The following RSF1 variants were observed in gnomAD, a reference collection of about 807,000 sequenced individuals.
The protein encoded by RSF1 is HBV pX-associated protein 8.
A neutral mutation model predicts 145.2 loss-of-function variants in RSF1; 13 were observed. That is an observed-to-expected ratio of 0.09 (90% CI 0.06 to 0.14). The LOEUF is 0.14. RSF1 is among the 10% of genes least tolerant of loss of function. RSF1 has a pLI of 1.00. For missense variants in RSF1, 1,517 were observed against 1,718.2 expected, an observed-to-expected ratio of 0.88 and a Z score of 2.07; for synonymous variants, 577 against 592.6, an observed-to-expected ratio of 0.97 and a Z score of 0.38.
intron 9 of RSF1, among the ~76,000 whole-genome samples, chr11:77,686,581 T>C (rs1960013404): frequency 2.6e-5 from 4 of 151,950 alleles, no homozygotes; most frequent in Non-Finnish European, 5.9e-5. Context: ...TATTAATGTA[T>C]CCAGCTGGCT....
intron 15 of RSF1, among the ~76,000 whole-genome samples, chr11:77,669,192 T>C (rs1361753659): frequency 1.3e-5 from 2 of 152,198 alleles, no homozygotes; most frequent in Non-Finnish European, 1.5e-5. Context: ...ATATCCACAA[T>C]GTGACTGCTT....
At chr11:77,672,508 A>C (rs1959582310) in intron 14 of RSF1, among the ~76,000 whole-genome samples, 1 of 151,568 alleles carries the variant, frequency 6.6e-6, no homozygotes, top group Admixed American at 6.6e-5. Context: ...GATCACAGGC[A>C]TATGCACTAC....
chr11:77,799,585 A>G (rs940643026), intron 1 of RSF1, among the ~76,000 whole-genome samples: 2 of 151,748 alleles, frequency 1.3e-5, no homozygotes, highest in Admixed American at 1.3e-4. Context: ...AAATATTTCC[A>G]TTAACCCAGA....
intron 2 of RSF1, 143 bp from the exon 3 acceptor site, chr11:77,747,271 A>C (rs1948011693): frequency 1.9e-6 from 1 of 531,240 alleles, no homozygotes; most frequent in Non-Finnish European, 3.4e-6. Context: ...TGCACCCTAA[A>C]ATGCATACTA....
chr11:77,861,182 G>A, the RSF1 span, among the ~76,000 whole-genome samples: 1 of 152,102 alleles, frequency 6.6e-6, no homozygotes, highest in Non-Finnish European at 1.5e-5. Context: ...CAACAAATGG[G>A]TGTTCTTTCT....
At chr11:77,776,184 G>A (rs1276803904) in intron 1 of RSF1, among the ~76,000 whole-genome samples, 1 of 152,060 alleles carries the variant, frequency 6.6e-6, no homozygotes, top group Non-Finnish European at 1.5e-5. Context: ...CTGCACTTCA[G>A]CCTGGGTGCC....
chr11:77,671,106 C>CAAAAAAA (rs1171789380), intron 15 of RSF1, among the ~76,000 whole-genome samples: 1 of 5,532 alleles, frequency 1.8e-4, no homozygotes, highest in African/African-American at 1.1e-3. Flanking sequence ...ACTCTGTCAC[C>CAAAAAAA]AAAAAAAAAA....
chr11:77,694,840 G>A (rs573263593), intron 7 of RSF1, among the ~76,000 whole-genome samples: 18 of 152,178 alleles, frequency 1.2e-4, no homozygotes, highest in African/African-American at 3.9e-4. Context: ...TTCCCTGACC[G>A]ACAGTTTGAA....
the RSF1 span, among the ~76,000 whole-genome samples, chr11:77,832,949 A>ATGTGTG: frequency 4.2e-5 from 4 of 96,292 alleles, no homozygotes; most frequent in East Asian, 3.1e-4. Context: ...TTGTATATAT[A>ATGTGTG]TATGTGTGTG....
At chr11:77,712,066 C>T (rs1960699377) in intron 5 of RSF1, among the ~76,000 whole-genome samples, 1 of 152,136 alleles carries the variant, frequency 6.6e-6, no homozygotes, top group African/African-American at 2.4e-5. Flanking sequence ...TTACGTTGTG[C>T]TTTGTATAAA....
chr11:77,813,747 C>G (rs1342355970), intron 1 of RSF1: 3 of 313,040 alleles, frequency 9.6e-6, no homozygotes, highest in South Asian at 9.5e-5. Context: ...GGAGCAGGAG[C>G]CTGCGGATCA....
chr11:77,775,376 ACT>A (rs1294790025), intron 1 of RSF1, among the ~76,000 whole-genome samples: 1 of 152,006 alleles, frequency 6.6e-6, no homozygotes, highest in Non-Finnish European at 1.5e-5. Context: ...GGCAAAGATG[ACT>A]CTGGGTTGTT....
the RSF1 span, chr11:77,866,695 T>C: frequency 6.6e-6 from 1 of 151,678 alleles, no homozygotes; most frequent in African/African-American, 2.4e-5. Context: ...TTTACTAGAA[T>C]GTGAGCTCTG....
In RSF1 at chr11:77,725,642, T is replaced by C. The variant is rs1961037052; in HGVS notation, c.636A>G (p.Val212=). 1.2e-6 allele frequency: 2 copies of C among 1,610,486 alleles called. No individual in the cohort carries two copies. Among genetic ancestry groups the C allele is most frequent in the Non-Finnish European group, 1.7e-6 (2 of 1,178,070 alleles). The part of the protein sequence containing the change: ...LALLKAQIDP[V]LLKNSSQQDN... ...CTTGTTGGCTAGAGTTTTTCAATAGTACAGGATCAATTTGTGCTTTCAGGA... is the reference window on the plus strand; with the variant it reads ...CTTGTTGGCTAGAGTTTTTCAATAGCACAGGATCAATTTGTGCTTTCAGGA... The change falls in exon 5 of 16, where the codon GTA becomes GTG. Residue 212 remains valine, a synonymous_variant. Coordinates refer to ENST00000308488, the MANE Select transcript of RSF1 (RefSeq NM_016578.4).
intron 12 of RSF1, among the ~76,000 whole-genome samples, chr11:77,677,476 A>G (rs1309683210): frequency 6.6e-6 from 1 of 152,250 alleles, no homozygotes; most frequent in Non-Finnish European, 1.5e-5. Context: ...CAGGACAGAA[A>G]AAGTGAGAAT....
intron 3 of RSF1, among the ~76,000 whole-genome samples, chr11:77,741,585 CAAAT>C (rs958808773): frequency 6.6e-6 from 1 of 151,542 alleles, no homozygotes; most frequent in Non-Finnish European, 1.5e-5. Context: ...TTTAAAATGA[CAAAT>C]AAAAATTGCA....
chr11:77,778,061 G>GT, intron 1 of RSF1, among the ~76,000 whole-genome samples: 1 of 45,610 alleles, frequency 2.2e-5, no homozygotes, highest in South Asian at 8.7e-4. Context: ...GAGACCAAGA[G>GT]TTTGAGAGCA....
chr11:77,851,204 C>T, the RSF1 span, among the ~76,000 whole-genome samples: 29 of 152,124 alleles, frequency 1.9e-4, no homozygotes, highest in Non-Finnish European at 2.6e-4. Context: ...CCACCTGCCT[C>T]GGCCTCCCAA....
intron 4 of RSF1, chr11:77,739,543 A>G (rs1961455879): frequency 6.6e-6 from 1 of 152,242 alleles, no homozygotes; most frequent in South Asian, 2.1e-4. Context: ...ATTAATCAGT[A>G]CACATTTATT....
Sources: gnomAD v4.1 joint callset for allele counts (sites outside exome capture counted in the v4.1 genomes callset) on GRCh38, gnomAD v4.1.1 for gene constraint, MANE v1.5 for transcripts, NCBI Gene and HGNC (gene_info 2026-07-23, HGNC 2026-07-21) for gene names.